ATP8A2: variants seen among roughly 807,000 people sequenced by gnomAD.
The protein encoded by ATP8A2 is phospholipid-transporting ATPase IB.
Under a neutral mutation model 165.6 loss-of-function variants are expected in ATP8A2, and 100 were observed. That is an observed-to-expected ratio of 0.60 (90% confidence interval 0.51 to 0.71). The LOEUF (loss-of-function observed/expected upper bound fraction) is 0.71, where lower values mean the gene tolerates loss of function less well. Among genes scored for constraint, ATP8A2 ranks in the 30% least tolerant of loss-of-function variants. The pLI is 0.00. For missense variants in ATP8A2, 1,227 were observed against 1,479.5 expected (o/e 0.83, Z 2.80); for synonymous variants, 543 against 548.8 (o/e 0.99, Z 0.15).
intron 25 of ATP8A2, among the ~76,000 whole-genome samples, chr13:25,717,418 T>TAAAAAAA (rs55732375): frequency 0.045 from 4,267 of 94,714 alleles, 169 homozygotes; most frequent in East Asian, 0.12. Flanking sequence ...CTGAAAAAAC[T>TAAAAAAA]AAAAAAAAAA....
intron 33 of ATP8A2, among the ~76,000 whole-genome samples, chr13:25,925,007 T>C (rs1399067772): frequency 6.6e-6 from 1 of 152,166 alleles, no homozygotes; most frequent in African/African-American, 2.4e-5. Flanking sequence ...GATTAACCAG[T>C]CTCAGATACG....
chr13:25,990,838 A>C (rs1238812502), intron 35 of ATP8A2, among the ~76,000 whole-genome samples: 2 of 152,216 alleles, frequency 1.3e-5, no homozygotes, highest in Non-Finnish European at 2.9e-5. Flanking sequence ...GGTGACACCC[A>C]GGCCTTTTCA....
rs114548023 is a variant in ATP8A2 at position 25,856,521 on chromosome 13, C to T, written c.2957-3674C>T. ...TTCATGTAACAAAATTGCACTTGCACCCCTTAAATTTACATCAATTAAAAA... is the reference window on the plus strand; with the variant it reads ...TTCATGTAACAAAATTGCACTTGCATCCCTTAAATTTACATCAATTAAAAA... On this transcript the variant is annotated intron_variant, in intron 30 of 36. Transcript: ENST00000381655. 3.6e-3 allele frequency among the ~76,000 whole-genome samples: 552 copies of T among 152,276 alleles called. 2 individuals are homozygous for T. Among genetic ancestry groups the T allele is most frequent in the African/African-American group, 0.012 (507 of 41,560 alleles).
At chr13:25,663,531 T>G (rs979155904) in intron 24 of ATP8A2, among the ~76,000 whole-genome samples, 1 of 152,046 alleles carries the variant, frequency 6.6e-6, no homozygotes, top group Non-Finnish European at 1.5e-5. Context: ...GCCACTGAGG[T>G]GCATTGGGCC....
intron 33 of ATP8A2, among the ~76,000 whole-genome samples, chr13:25,877,559 G>A (rs1269089323): frequency 1.3e-5 from 2 of 152,020 alleles, no homozygotes; most frequent in Non-Finnish European, 2.9e-5. Flanking sequence ...TCCTTTTGAT[G>A]TCCTTGGCAC....
intron 33 of ATP8A2, among the ~76,000 whole-genome samples, chr13:25,930,415 A>C (rs1280735744): frequency 7.8e-6 from 1 of 127,526 alleles, no homozygotes; most frequent in African/African-American, 3.0e-5. Flanking sequence ...TAGGCCTTGC[A>C]CTCAGGGCCT....
chr13:25,997,790 T>C (rs1258662259), intron 35 of ATP8A2, among the ~76,000 whole-genome samples: 1 of 152,204 alleles, frequency 6.6e-6, no homozygotes, highest in Non-Finnish European at 1.5e-5. Context: ...TTTTAAGTCT[T>C]ATATTTCTTG....
intron 24 of ATP8A2, among the ~76,000 whole-genome samples, chr13:25,691,999 G>A (rs1457316117): frequency 6.6e-6 from 1 of 152,282 alleles, no homozygotes; most frequent in East Asian, 1.9e-4. Flanking sequence ...GAACATGATA[G>A]TAAAAAGAAT....
At chr13:25,725,710 T>C (rs1468625433) in intron 25 of ATP8A2, among the ~76,000 whole-genome samples, 1 of 152,210 alleles carries the variant, frequency 6.6e-6, no homozygotes, top group Non-Finnish European at 1.5e-5. Context: ...ATTCTGACCC[T>C]GCCTTGTTGA....
At chr13:25,395,275 C>G (rs1298363185) in intron 1 of ATP8A2, among the ~76,000 whole-genome samples, 3 of 152,006 alleles carry the variant, frequency 2.0e-5, no homozygotes, top group Non-Finnish European at 4.4e-5. Context: ...CACTTAGTTA[C>G]CAAAGCCAGA....
chr13:25,872,751 G>A (rs1952712609), intron 33 of ATP8A2, among the ~76,000 whole-genome samples: 1 of 152,118 alleles, frequency 6.6e-6, no homozygotes, highest in African/African-American at 2.4e-5. Flanking sequence ...GGAGACTTAT[G>A]TATAATTTTA....
At chr13:25,742,680 TC>T (rs370944181) in intron 25 of ATP8A2, among the ~76,000 whole-genome samples, 801 of 61,150 alleles carry the variant, frequency 0.013, 6 homozygotes, top group African/African-American at 0.039. Context: ...TCTCTCTCTG[TC>T]TTTTTTTTTT....
intron 24 of ATP8A2, chr13:25,591,302 T>A (rs990579091): frequency 3.5e-5 from 16 of 456,610 alleles, no homozygotes; most frequent in African/African-American, 3.2e-4. Flanking sequence ...TTTGAACAAC[T>A]ACTCTCCATT....
intron 33 of ATP8A2, among the ~76,000 whole-genome samples, chr13:25,928,473 G>T (rs1173656832): frequency 6.6e-6 from 1 of 152,150 alleles, no homozygotes; most frequent in South Asian, 2.1e-4. Context: ...ATATAGAGAA[G>T]AATTCCTATG....
At chr13:25,454,708 G>C (rs546470583) in intron 1 of ATP8A2, among the ~76,000 whole-genome samples, 40 of 152,300 alleles carry the variant, frequency 2.6e-4, no homozygotes, top group African/African-American at 9.4e-4. Context: ...TGAATCACGA[G>C]GTCATGAGAT....
At chr13:25,958,630 G>A (rs1173006026) in intron 33 of ATP8A2, among the ~76,000 whole-genome samples, 1 of 152,170 alleles carries the variant, frequency 6.6e-6, no homozygotes, top group Non-Finnish European at 1.5e-5. Context: ...CATGTAAATG[G>A]TCAGTAGATC....
At chr13:25,513,449 G>A (rs990425111) in intron 2 of ATP8A2, among the ~76,000 whole-genome samples, 1 of 151,776 alleles carries the variant, frequency 6.6e-6, no homozygotes, top group African/African-American at 2.4e-5. Context: ...TGGCGGCCGG[G>A]AAGAGGCGCT....
At chr13:25,747,170 G>A (rs1236232361) in intron 25 of ATP8A2, among the ~76,000 whole-genome samples, 1 of 152,240 alleles carries the variant, frequency 6.6e-6, no homozygotes, top group African/African-American at 2.4e-5. Context: ...ACTGGAAGGA[G>A]GGATCAGTAG....
chr13:25,968,760 T>A, intron 35 of ATP8A2, 81 bp downstream of exon 35: 1 of 1,206,180 alleles, frequency 8.3e-7, no homozygotes, highest in Non-Finnish European at 1.2e-6. Flanking sequence ...TTTCTTTTTC[T>A]CATCTTGGTT....
Sources: allele counts gnomAD v4.1 joint callset (sites outside exome capture counted in the v4.1 genomes callset), GRCh38; gene constraint gnomAD v4.1.1; transcripts MANE v1.5; gene names NCBI Gene and HGNC (gene_info 2026-07-23, HGNC 2026-07-21).